Variants in PSMA5 observed in about 807,000 individuals in gnomAD.
PSMA5 encodes the protein proteasome 20S subunit alpha 5.
In PSMA5, 3 loss-of-function variants were observed where a neutral mutation model predicts 34.5. That is an observed-to-expected ratio of 0.09 (90% confidence interval 0.04 to 0.22). The LOEUF (loss-of-function observed/expected upper bound fraction) is 0.22, where lower values mean the gene tolerates loss of function less well. Among genes scored for constraint, PSMA5 ranks in the 10% least tolerant of loss-of-function variants. The pLI, the probability that PSMA5 is intolerant of heterozygous loss-of-function variation, is 1.00. For synonymous variants in PSMA5, 88 were observed against 95.8 expected (o/e 0.92, Z 0.47); for missense variants, 120 against 286.1 (o/e 0.42, Z 4.19).
intron 1 of PSMA5, among the ~76,000 whole-genome samples, chr1:109,425,014 G>A (rs1203487679): frequency 7.1e-6 from 1 of 140,418 alleles, no homozygotes; most frequent in Non-Finnish European, 1.5e-5. Context: ...GGAGGGGGAG[G>A]TTGCAGTGAG....
rs761584099 is a variant in PSMA5, at chr1:109,407,636, A to G, written c.648+2292T>C. 2.0e-5 allele frequency among the ~76,000 whole-genome samples: 3 copies of G among 151,834 alleles called. No individual in the cohort carries two copies. The East Asian group carries it at 5.8e-4, about 29-fold the overall frequency. On this transcript the variant is annotated intron_variant, in intron 8 of 8. Transcript: ENST00000271308. ...TAATTACAGCCTTGGTTGGCCTTTA[A>G]ATTTTATTTATTTATTTTTTGAGAC...
Position 109,409,157 on chromosome 1 carries a change from T to C in PSMA5, c.648+771A>G, listed in dbSNP as rs187314446. 2.9e-3 allele frequency among the ~76,000 whole-genome samples: 449 copies of C among 152,268 alleles called. 2 individuals carry two copies. The highest frequency in any genetic ancestry group is 3.5e-3 in the Non-Finnish European group (235 of 68,030). ...TCTCCACTCATCATCTCCCTTTCAT[T>C]CTTTTTATTTTATTTTTGAGACAGA... On this transcript the variant is annotated intron_variant, in intron 8 of 8. Transcript: ENST00000271308.
chr1:109,401,338 G>T lies in PSMA5; in HGVS notation c.*675C>A, dbSNP rs1374832966. 4.6e-5 allele frequency: 7 copies of T among 152,086 alleles called. No individual in the cohort carries two copies. The highest frequency in any genetic ancestry group is 2.9e-5 in the Non-Finnish European group (2 of 68,024). The allele number at this position is 152,086 out of a possible 1,614,324, so 9.4% of individuals were successfully genotyped here. A position where few individuals can be genotyped will look rare whatever the true frequency, so the allele number is the denominator to read the frequency against. Reference sequence around the variant, plus strand: ...AAGAACTGGTACAACACTGTTGATGGCTGATTCCAACCCATCAATGTTTTG... The same window carrying T: ...AAGAACTGGTACAACACTGTTGATGTCTGATTCCAACCCATCAATGTTTTG... On this transcript the variant is annotated 3_prime_UTR_variant, in exon 9 of 9. Coordinates refer to ENST00000271308, the MANE Select transcript of PSMA5 (RefSeq NM_002790.4).
chr1:109,409,837 T>A, intron 8 of PSMA5, 91 bp downstream of exon 8: 1 of 836,156 alleles, frequency 1.2e-6, no homozygotes, highest in South Asian at 1.6e-5. Flanking sequence ...CTACTTGAAC[T>A]CATGAGTTCA....
At chr1:109,404,247 G>A (rs1653657820) in intron 8 of PSMA5, among the ~76,000 whole-genome samples, 1 of 152,102 alleles carries the variant, frequency 6.6e-6, no homozygotes, top group African/African-American at 2.4e-5. Flanking sequence ...GGGATGTGGA[G>A]GTTGCAGTGA....
Position 109,411,095 on chromosome 1 carries a change from A to C in PSMA5, c.477T>G (p.Ser159=). 1 of 1,613,082 alleles carries C rather than the reference A, an allele frequency of 6.2e-7. No homozygotes were observed. Among genetic ancestry groups the C allele is most frequent in the Non-Finnish European group, 8.5e-7 (1 of 1,179,478 alleles). ...KGPQLFHMDP[S]GTFVQCDARA... is the part of the protein sequence containing the mutation. ...GAGCATCACACTGTACAAAGGTCCC[A>C]GATGGGTCCATATGAAACCTGCAAA... The change falls in exon 7 of 9, where the codon TCT becomes TCG. Residue 159 remains serine (S), a synonymous_variant. Transcript: ENST00000271308.
intron 1 of PSMA5, 57 bp downstream of exon 1, chr1:109,426,245 C>T: frequency 6.2e-7 from 1 of 1,606,742 alleles, no homozygotes; most frequent in South Asian, 1.1e-5. Flanking sequence ...GCCGCGCGGC[C>T]AGGTCCCGGG....
intron 8 of PSMA5, among the ~76,000 whole-genome samples, chr1:109,407,970 C>T (rs1215276556): frequency 2.6e-5 from 4 of 152,152 alleles, no homozygotes; most frequent in Non-Finnish European, 4.4e-5. Flanking sequence ...TTACTCTTCC[C>T]TGTCTTCTCA....
At chr1:109,425,057 C>T (rs1654599167) in intron 1 of PSMA5, among the ~76,000 whole-genome samples, 1 of 152,040 alleles carries the variant, frequency 6.6e-6, no homozygotes, top group Non-Finnish European at 1.5e-5. Flanking sequence ...CAGCCTGGGC[C>T]ACAGAGCGAG....
Position 109,426,427 on chromosome 1 carries a change from G to T in PSMA5, c.-97C>A, listed in dbSNP as rs1654670844. The T allele has an allele frequency of 6.7e-7, 1 of 1,485,416 alleles. No individual in the cohort carries two copies. Among genetic ancestry groups the T allele is most frequent in the South Asian group, 1.1e-5 (1 of 88,448 alleles). The allele number at this position is 1,485,416 out of a possible 1,614,324, so 92.0% of individuals were successfully genotyped here. ...CACCGGCAGCCAACTCACCCACACGGCCGCAGTACTAAGGACCAACTGCGC... is the reference window on the plus strand; with the variant it reads ...CACCGGCAGCCAACTCACCCACACGTCCGCAGTACTAAGGACCAACTGCGC... On this transcript the variant is annotated 5_prime_UTR_variant, in exon 1 of 9. Coordinates refer to ENST00000271308, the MANE Select transcript of PSMA5 (RefSeq NM_002790.4).
At chr1:109,413,822 G>T (rs1195263326) in intron 3 of PSMA5, among the ~76,000 whole-genome samples, 1 of 152,122 alleles carries the variant, frequency 6.6e-6, no homozygotes, top group East Asian at 1.9e-4. Flanking sequence ...CAGATCACAA[G>T]TTCTGTCAAT....
chr1:109,404,457 A>G (rs1653665736), intron 8 of PSMA5, among the ~76,000 whole-genome samples: 2 of 152,340 alleles, frequency 1.3e-5, no homozygotes, highest in South Asian at 4.1e-4. Context: ...CTCATGACTC[A>G]GGCTAGCCTT....
At chr1:109,408,210 C>G (rs1410395519) in intron 8 of PSMA5, among the ~76,000 whole-genome samples, 1 of 152,174 alleles carries the variant, frequency 6.6e-6, no homozygotes, top group Non-Finnish European at 1.5e-5. Context: ...CCAGTCTCAT[C>G]CCTTACCGTC....
At chr1:109,417,402 G>A (rs1170198549) in intron 2 of PSMA5, among the ~76,000 whole-genome samples, 1 of 152,144 alleles carries the variant, frequency 6.6e-6, no homozygotes, top group African/African-American at 2.4e-5. Context: ...GTGGCAACAA[G>A]GACCTCTGGA....
At chr1:109,402,167 G>GCATCACCAACACAGCT in intron 8 of PSMA5, 77 bp from the exon 9 acceptor site, 2 of 1,059,822 alleles carry the variant, frequency 1.9e-6, no homozygotes, top group Non-Finnish European at 2.8e-6. Context: ...AGGAGAAGCT[G>GCATCACCAACACAGCT]TGTTGGTGAT....
intron 1 of PSMA5, among the ~76,000 whole-genome samples, chr1:109,422,844 T>C (rs1249018332): frequency 1.3e-5 from 2 of 152,268 alleles, no homozygotes; most frequent in Admixed American, 6.5e-5. Context: ...ACTATTGTTA[T>C]CTTAACAGAC....
In PSMA5 at chr1:109,403,472, A is replaced by C. The variant is rs565567972; in HGVS notation, c.649-1382T>G. On this transcript the variant is annotated intron_variant, in intron 8 of 8. Coordinates refer to ENST00000271308, the MANE Select transcript of PSMA5 (RefSeq NM_002790.4). ...GACCCCGTGTCTACCAAAAAAAAAA[A>C]ACCCCAAAAACTAGCAGGGGGTGTA... Among the ~76,000 whole-genome samples the C allele has an allele frequency of 8.6e-5, 13 of 150,942 alleles. No homozygotes were observed. The East Asian group carries it at 1.4e-3, about 16-fold the overall frequency.
At chr1:109,414,525 G>A (rs1434036850) in intron 3 of PSMA5, among the ~76,000 whole-genome samples, 1 of 152,138 alleles carries the variant, frequency 6.6e-6, no homozygotes, top group Non-Finnish European at 1.5e-5. Context: ...CTGGCACATT[G>A]TAGGCTCTCA....
chr1:109,399,567 A>C lies in PSMA5; in HGVS notation c.*2446T>G, dbSNP rs1295704749. On this transcript the variant is annotated 3_prime_UTR_variant, in exon 9 of 9. Coordinates refer to ENST00000271308, the MANE Select transcript of PSMA5 (RefSeq NM_002790.4). ...ACTCAACAGTGCCACCTCCTGGAGA[A>C]ATTACCAAATACACTTTTAAACGCT... The C allele has an allele frequency of 6.6e-6, 1 of 152,204 alleles. No homozygotes were observed. Among genetic ancestry groups the C allele is most frequent in the Non-Finnish European group, 1.5e-5 (1 of 68,034 alleles). The allele number at this position is 152,204 out of a possible 1,614,324, so 9.4% of individuals were successfully genotyped here.
Sources: gnomAD v4.1 joint callset for allele counts (sites outside exome capture counted in the v4.1 genomes callset) on GRCh38, gnomAD v4.1.1 for gene constraint, MANE v1.5 for transcripts, NCBI Gene and HGNC (gene_info 2026-07-23, HGNC 2026-07-21) for gene names.